Variants in PSD3 observed in about 807,000 individuals in gnomAD.
PSD3 encodes the protein pleckstrin and Sec7 domain containing 3.
A neutral mutation model predicts 105.5 loss-of-function variants in PSD3; 49 were observed. The ratio of observed to expected loss-of-function variants is 0.46; its 90% confidence interval spans 0.37 to 0.59. The LOEUF is 0.59. PSD3 is among the 20% of genes least tolerant of loss of function. The pLI, the probability that PSD3 is intolerant of heterozygous loss-of-function variation, is 0.00. For missense variants in PSD3, 1,561 were observed against 1,263.8 expected, an observed-to-expected ratio of 1.24 and a Z score of -3.57; for synonymous variants, 557 against 457.8, an observed-to-expected ratio of 1.22 and a Z score of -2.77.
At chr8:18,791,581 A>C (rs1809723379) in intron 8 of PSD3, among the ~76,000 whole-genome samples, 1 of 152,234 alleles carries the variant, frequency 6.6e-6, no homozygotes, top group Non-Finnish European at 1.5e-5. Flanking sequence ...AATCGACTCA[A>C]GATGGATTTA....
chr8:18,994,782 G>A (rs1825984906), intron 1 of PSD3, among the ~76,000 whole-genome samples: 1 of 150,488 alleles, frequency 6.6e-6, no homozygotes, highest in Admixed American at 6.6e-5. Flanking sequence ...CTATTGAATA[G>A]CACCCATACA....
chr8:18,838,780 T>C (rs1274415797), intron 4 of PSD3, among the ~76,000 whole-genome samples: 4 of 149,500 alleles, frequency 2.7e-5, no homozygotes, highest in African/African-American at 7.4e-5. Flanking sequence ...CCAGCCTGGG[T>C]GACAGAGCGA....
intron 12 of PSD3, among the ~76,000 whole-genome samples, chr8:18,577,327 G>C (rs1341433676): frequency 2.0e-5 from 3 of 152,026 alleles, no homozygotes; most frequent in Non-Finnish European, 4.4e-5. Flanking sequence ...CCAATCACAT[G>C]TTTGATTTTC....
intron 11 of PSD3, among the ~76,000 whole-genome samples, chr8:18,601,139 T>C (rs1295190707): frequency 6.6e-6 from 1 of 152,154 alleles, no homozygotes; most frequent in Non-Finnish European, 1.5e-5. Context: ...TTATCCAAAA[T>C]AATTAATTAT....
intron 9 of PSD3, among the ~76,000 whole-genome samples, chr8:18,706,328 G>T (rs1037086716): frequency 2.6e-5 from 4 of 152,076 alleles, no homozygotes; most frequent in African/African-American, 9.7e-5. Context: ...CATTATGGAA[G>T]AATTTTTTCT....
intron 10 of PSD3, among the ~76,000 whole-genome samples, chr8:18,652,492 A>AGTTTTTTTTTTT (rs1808571997): frequency 1.3e-5 from 1 of 79,800 alleles, no homozygotes; most frequent in East Asian, 3.4e-4. Context: ...GAAAAAGCTT[A>AGTTTTTTTTTTT]GTTTTTTTTT....
intron 15 of PSD3, among the ~76,000 whole-genome samples, chr8:18,548,303 G>A (rs1193185283): frequency 1.3e-5 from 2 of 151,996 alleles, no homozygotes; most frequent in Admixed American, 6.5e-5. Context: ...TTCTTTTTCA[G>A]GCAACTCATA....
intron 2 of PSD3, among the ~76,000 whole-genome samples, chr8:18,886,689 C>T (rs987259614): frequency 6.6e-6 from 1 of 152,186 alleles, no homozygotes; most frequent in African/African-American, 2.4e-5. Context: ...GAAAAGTTAG[C>T]TTAAAAAGAA....
intron 12 of PSD3, among the ~76,000 whole-genome samples, chr8:18,578,555 T>G (rs189503128): frequency 6.6e-6 from 1 of 152,206 alleles, no homozygotes; most frequent in Non-Finnish European, 1.5e-5. Flanking sequence ...TATCACAATG[T>G]CTAACAAACT....
chr8:18,802,808 G>A (rs1320927119), intron 6 of PSD3, among the ~76,000 whole-genome samples: 1 of 152,178 alleles, frequency 6.6e-6, no homozygotes, highest in Non-Finnish European at 1.5e-5. Context: ...TTTACCTTCA[G>A]CTACTTAGAA....
chr8:18,647,768 G>A (rs117677976), intron 10 of PSD3, among the ~76,000 whole-genome samples: 1 of 151,974 alleles, frequency 6.6e-6, no homozygotes, highest in African/African-American at 2.4e-5. Context: ...CTGGTGAGAG[G>A]TGACTCGATC....
At chr8:18,984,927 T>C (rs917735729) in intron 1 of PSD3, among the ~76,000 whole-genome samples, 3 of 152,088 alleles carry the variant, frequency 2.0e-5, no homozygotes, top group African/African-American at 7.2e-5. Context: ...CCCATCACGC[T>C]TCGCTTTTTT....
chr8:19,034,583 G>A (rs1827881779), intron 1 of PSD3, among the ~76,000 whole-genome samples: 2 of 152,170 alleles, frequency 1.3e-5, no homozygotes, highest in South Asian at 2.1e-4. Context: ...TAGGTACCAG[G>A]TGAAGGCCTC....
chr8:18,723,790 C>G (rs993561280), intron 9 of PSD3, among the ~76,000 whole-genome samples: 1 of 152,190 alleles, frequency 6.6e-6, no homozygotes, highest in Non-Finnish European at 1.5e-5. Flanking sequence ...ATTTTAAGAA[C>G]ACATTTTTAA....
intron 4 of PSD3, among the ~76,000 whole-genome samples, chr8:18,826,230 G>C (rs965584991): frequency 6.6e-6 from 1 of 152,168 alleles, no homozygotes; most frequent in African/African-American, 2.4e-5. Context: ...AACAACACCA[G>C]AGGCTTCCCT....
chr8:18,600,709 C>T (rs1804376536), intron 11 of PSD3, among the ~76,000 whole-genome samples: 1 of 152,100 alleles, frequency 6.6e-6, no homozygotes. Flanking sequence ...TGCTAATGGT[C>T]CCACAACTAG....
intron 1 of PSD3, among the ~76,000 whole-genome samples, chr8:18,937,747 T>C (rs1409743795): frequency 6.6e-6 from 1 of 152,078 alleles, no homozygotes; most frequent in Non-Finnish European, 1.5e-5. Context: ...TTTTTTGAAG[T>C]GTTTGGGGAG....
chr8:18,764,563 A>C (rs1245053163), intron 9 of PSD3, among the ~76,000 whole-genome samples: 1 of 152,158 alleles, frequency 6.6e-6, no homozygotes, highest in Non-Finnish European at 1.5e-5. Context: ...AGTCTTTCCA[A>C]ATCTGGCAGA....
intron 1 of PSD3, among the ~76,000 whole-genome samples, chr8:18,963,365 TAAAAATTTCCTTC>T (rs780631981): frequency 2.6e-5 from 4 of 152,208 alleles, no homozygotes; most frequent in Non-Finnish European, 5.9e-5. Context: ...GTTTCTAAAC[TAAAAATTTCCTTC>T]AAAACTTTTC....
Sources: allele counts gnomAD v4.1 joint callset (sites outside exome capture counted in the v4.1 genomes callset), GRCh38; gene constraint gnomAD v4.1.1; transcripts MANE v1.5; gene names NCBI Gene and HGNC (gene_info 2026-07-23, HGNC 2026-07-21).